The following UTRN variants were observed in gnomAD, a reference collection of about 807,000 sequenced individuals.
The protein encoded by UTRN is utrophin, also known as dystrophin-related protein 1.
In UTRN, 283 loss-of-function variants were observed where a neutral mutation model predicts 463.9. The observed-to-expected ratio is 0.61, with a 90% CI of 0.55 to 0.67. UTRN has a LOEUF of 0.67. Ranked by LOEUF, UTRN falls within the 30% of genes least tolerant of loss-of-function variation. The pLI, the probability that UTRN is intolerant of heterozygous loss-of-function variation, is 0.00. For missense variants in UTRN, 3,922 were observed against 4,084.3 expected, an observed-to-expected ratio of 0.96 and a Z score of 1.08; for synonymous variants, 1,442 against 1,431.5, an observed-to-expected ratio of 1.01 and a Z score of -0.17.
intron 46 of UTRN, 123 bp from the exon 47 acceptor site, chr6:144,548,517 T>G (rs1235212304): frequency 1.2e-6 from 1 of 862,572 alleles, no homozygotes; most frequent in Non-Finnish European, 1.7e-6. Context: ...AAAAATAACC[T>G]CTTAGAATTT....
chr6:144,437,523 T>G (rs529689516), intron 10 of UTRN, 42 bp from the exon 11 acceptor site: 1 of 1,496,710 alleles, frequency 6.7e-7, no homozygotes, highest in East Asian at 2.4e-5. Flanking sequence ...TTTTTTTTTT[T>G]GCACTGAGTA....
intron 2 of UTRN, among the ~76,000 whole-genome samples, chr6:144,347,548 C>T (rs923835595): frequency 2.6e-5 from 4 of 152,204 alleles, no homozygotes; most frequent in Admixed American, 6.5e-5. Flanking sequence ...TAGTTATGGT[C>T]TTTGCTGATG....
chr6:144,738,735 T>G (rs1404925484), intron 54 of UTRN, among the ~76,000 whole-genome samples: 4 of 152,232 alleles, frequency 2.6e-5, no homozygotes, highest in Non-Finnish European at 5.9e-5. Context: ...GATTGCATTA[T>G]TTATCCACCA....
chr6:144,437,879 C>G lies in UTRN; in HGVS notation c.1241+133C>G. The G allele has an allele frequency of 9.6e-6, 8 of 829,818 alleles. No individual in the cohort carries two copies. The South Asian group carries it at 2.0e-4, about 21-fold the overall frequency. The allele number at this position is 829,818 out of a possible 1,614,324, so 51.4% of individuals were successfully genotyped here. A position where few individuals can be genotyped will look rare whatever the true frequency, so the allele number is the denominator to read the frequency against. On this transcript the variant is annotated intron_variant, in intron 11 of 74. Transcript: ENST00000367545. ...CTTGGAAAAGTAAGACTCTTTTCTA[C>G]GGGTAATATTGCTGGAATTCTGCAT... is the stretch of plus-strand genomic sequence containing the variant.
chr6:144,391,936 G>A (rs1000112353), intron 2 of UTRN, among the ~76,000 whole-genome samples: 3 of 152,196 alleles, frequency 2.0e-5, no homozygotes, highest in Non-Finnish European at 4.4e-5. Flanking sequence ...CACTGTGCCC[G>A]ACAGCTCTGT....
chr6:144,447,798 A>T lies in UTRN; in HGVS notation c.1902+17A>T, dbSNP rs1282951353. On this transcript the variant is annotated intron_variant, in intron 16 of 74. Transcript: ENST00000367545. The stretch of plus-strand genomic sequence containing the variant: ...TCCAACCAGGTACTTTTTGATTTGG[A>T]TCATATGTTGTGCCATGAAGTAAAC... The T allele has an allele frequency of 6.3e-7, 1 of 1,595,394 alleles. No individual in the cohort carries two copies. Among genetic ancestry groups the T allele is most frequent in the East Asian group, 2.2e-5 (1 of 44,566 alleles).
intron 25 of UTRN, among the ~76,000 whole-genome samples, chr6:144,479,145 G>C (rs1361763034): frequency 7.7e-6 from 1 of 130,422 alleles, no homozygotes; most frequent in Non-Finnish European, 1.6e-5. Context: ...TTGAGACAGA[G>C]TCTCGCTCTG....
intron 34 of UTRN, among the ~76,000 whole-genome samples, chr6:144,501,588 A>G (rs781172869): frequency 3.3e-5 from 5 of 152,200 alleles, no homozygotes; most frequent in African/African-American, 1.2e-4. Flanking sequence ...TTGTTTTTAT[A>G]TAGCATATTA....
chr6:144,487,677 T>C lies in UTRN; in HGVS notation c.3952T>C (p.Tyr1318His), dbSNP rs759070914. 41 of 1,612,288 alleles carry C rather than the reference T, an allele frequency of 2.5e-5. No individual in the cohort carries two copies. In the Admixed American group the frequency reaches 4.5e-4, roughly 18 times the overall value. Residue 1318 changes from tyrosine (Y) to histidine (H), a missense_variant, in exon 29 of 75, where the codon TAT becomes CAT. Physicochemically the swap from Tyr to His is moderately conservative, Grantham distance 83. This residue lies in a region of UTRN where 2,349 missense variants were observed against 2,303.8 expected (regional missense o/e 1.02). Coordinates refer to ENST00000367545, the MANE Select transcript of UTRN (RefSeq NM_007124.3). ...SEKLEAFNSR[Y>H]EDLSHLAESK... ...GAAACTGGAGGCTTTCAACAGCCGA[T>C]ATGAAGATCTAAGTCACCTGGTAAG...
At chr6:144,289,516 C>A (rs1804020115) in intron 1 of UTRN, among the ~76,000 whole-genome samples, 1 of 152,056 alleles carries the variant, frequency 6.6e-6, no homozygotes, top group Non-Finnish European at 1.5e-5. Flanking sequence ...GAGACAAGGT[C>A]TCACCATGTT....
chr6:144,564,162 T>C (rs1366029796), intron 50 of UTRN, among the ~76,000 whole-genome samples: 1 of 152,136 alleles, frequency 6.6e-6, no homozygotes, highest in Non-Finnish European at 1.5e-5. Flanking sequence ...GAGCCTGCAA[T>C]GTACGTAAGT....
intron 22 of UTRN, among the ~76,000 whole-genome samples, chr6:144,461,610 A>G (rs1789418726): frequency 6.6e-6 from 1 of 152,232 alleles, no homozygotes; most frequent in African/African-American, 2.4e-5. Flanking sequence ...ATCTGCTAAA[A>G]TATCTTTATG....
intron 60 of UTRN, among the ~76,000 whole-genome samples, chr6:144,779,131 T>C (rs1254863466): frequency 6.6e-6 from 1 of 152,146 alleles, no homozygotes; most frequent in East Asian, 1.9e-4. Flanking sequence ...CTTTTTGGAA[T>C]TTGGTCTGTT....
chr6:144,828,665 A>G (rs752943326), intron 68 of UTRN, 125 bp from the exon 69 acceptor site: 61 of 920,496 alleles, frequency 6.6e-5, no homozygotes, highest in Non-Finnish European at 9.5e-5. Flanking sequence ...CAGTCGTGTT[A>G]GGAGATTTGG....
At chr6:144,424,725 C>G (rs925435262) in intron 6 of UTRN, among the ~76,000 whole-genome samples, 1 of 152,082 alleles carries the variant, frequency 6.6e-6, no homozygotes, top group Non-Finnish European at 1.5e-5. Flanking sequence ...TTCCCAAGTA[C>G]CTTTCACTCA....
At chr6:144,552,926 C>T (rs1799051647) in intron 48 of UTRN, among the ~76,000 whole-genome samples, 1 of 152,204 alleles carries the variant, frequency 6.6e-6, no homozygotes, top group Non-Finnish European at 1.5e-5. Flanking sequence ...AAGTTTAAAA[C>T]TTAAGCAATT....
intron 51 of UTRN, among the ~76,000 whole-genome samples, chr6:144,672,385 A>G (rs1056393261): frequency 5.9e-5 from 9 of 151,850 alleles, no homozygotes; most frequent in Non-Finnish European, 7.4e-5. Flanking sequence ...TTAATTTAGA[A>G]GGGTTGTATA....
At chr6:144,803,669 C>T (rs1777897021) in intron 65 of UTRN, among the ~76,000 whole-genome samples, 1 of 151,800 alleles carries the variant, frequency 6.6e-6, no homozygotes, top group Non-Finnish European at 1.5e-5. Flanking sequence ...TTTTTAGTCA[C>T]AAAATTTTTA....
intron 52 of UTRN, among the ~76,000 whole-genome samples, chr6:144,688,292 T>C (rs1211324667): frequency 6.6e-6 from 1 of 152,160 alleles, no homozygotes; most frequent in East Asian, 1.9e-4. Flanking sequence ...ATAACTTCTT[T>C]ATGTTGTTTT....
Sources: gnomAD v4.1 joint callset for allele counts (sites outside exome capture counted in the v4.1 genomes callset) on GRCh38, gnomAD v4.1.1 for gene constraint, gnomAD v4.1.1 regional missense constraint, MANE v1.5 for transcripts, NCBI Gene and HGNC (gene_info 2026-07-23, HGNC 2026-07-21) for gene names.